The following RSRC1 variants were observed in gnomAD, a reference collection of about 807,000 sequenced individuals.
RSRC1 encodes the protein arginine and serine rich coiled-coil 1, also known as serine/Arginine-related protein 53.
In RSRC1, 39 loss-of-function variants were observed where a neutral mutation model predicts 49.1. The observed-to-expected ratio is 0.79, with a 90% CI of 0.61 to 1.04. The LOEUF (loss-of-function observed/expected upper bound fraction) is 1.04. Among genes scored for constraint, RSRC1 ranks in the 50% least tolerant of loss-of-function variants. RSRC1 has a pLI of 0.00. For missense variants in RSRC1, 388 were observed against 402.4 expected (o/e 0.96, Z 0.31); for synonymous variants, 143 against 130.8 (o/e 1.09, Z -0.63).
chr3:158,172,196 T>G (rs918436267), intron 3 of RSRC1, among the ~76,000 whole-genome samples: 19 of 152,146 alleles, frequency 1.2e-4, no homozygotes, highest in African/African-American at 4.6e-4. Context: ...AAGTTATACA[T>G]TTTTAGATTT....
intron 4 of RSRC1, among the ~76,000 whole-genome samples, chr3:158,220,701 A>G (rs938415942): frequency 6.6e-5 from 10 of 151,454 alleles, no homozygotes; most frequent in Admixed American, 2.0e-4. Context: ...TAAAAAGACT[A>G]TTGTTTGCCT....
At chr3:158,369,665 T>C (rs1455504978) in intron 6 of RSRC1, among the ~76,000 whole-genome samples, 1 of 152,114 alleles carries the variant, frequency 6.6e-6, no homozygotes, top group Non-Finnish European at 1.5e-5. Flanking sequence ...CAACAAATAA[T>C]CTTTTCTCTT....
chr3:158,118,210 A>G (rs992838821), intron 1 of RSRC1, among the ~76,000 whole-genome samples: 54 of 152,108 alleles, frequency 3.6e-4, no homozygotes, highest in Admixed American at 7.2e-4. Context: ...TTGGCTGCCC[A>G]AAGTGCTGGG....
At chr3:158,146,202 G>A (rs1461953849) in intron 3 of RSRC1, among the ~76,000 whole-genome samples, 1 of 152,098 alleles carries the variant, frequency 6.6e-6, no homozygotes, top group African/African-American at 2.4e-5. Context: ...TCCCTGTCTT[G>A]TGCCAGTTTT....
intron 7 of RSRC1, chr3:158,469,799 TAA>T (rs1481783722): frequency 6.6e-6 from 1 of 152,120 alleles, no homozygotes; most frequent in Non-Finnish European, 1.5e-5. Flanking sequence ...TATTCTGCCT[TAA>T]TTACAGGACT....
intron 6 of RSRC1, among the ~76,000 whole-genome samples, chr3:158,374,330 A>G (rs1732237642): frequency 6.6e-6 from 1 of 152,180 alleles, no homozygotes; most frequent in African/African-American, 2.4e-5. Context: ...TTTGAGCTAG[A>G]TAAATTAATA....
chr3:158,487,526 A>G (rs943653987), intron 7 of RSRC1, among the ~76,000 whole-genome samples: 1 of 152,168 alleles, frequency 6.6e-6, no homozygotes, highest in African/African-American at 2.4e-5. Flanking sequence ...TCCTGGCCAC[A>G]TGAAAGGTCA....
At chr3:158,133,696 T>C (rs1204577400) in intron 3 of RSRC1, among the ~76,000 whole-genome samples, 1 of 152,210 alleles carries the variant, frequency 6.6e-6, no homozygotes, top group Non-Finnish European at 1.5e-5. Context: ...ATTTCAGCTC[T>C]ACAAAATTTA....
At chr3:158,264,163 G>C (rs1275655524) in intron 4 of RSRC1, among the ~76,000 whole-genome samples, 1 of 152,016 alleles carries the variant, frequency 6.6e-6, no homozygotes, top group Non-Finnish European at 1.5e-5. Flanking sequence ...TTCTCATGTA[G>C]GCGTTTAGTA....
intron 1 of RSRC1, among the ~76,000 whole-genome samples, chr3:158,116,151 A>G (rs1578097301): frequency 6.6e-6 from 1 of 152,208 alleles, no homozygotes; most frequent in Non-Finnish European, 1.5e-5. Flanking sequence ...TATCATTCTC[A>G]TGGTGGCAAT....
chr3:158,275,211 GA>G (rs1725741402), intron 4 of RSRC1, among the ~76,000 whole-genome samples: 1 of 152,136 alleles, frequency 6.6e-6, no homozygotes, highest in African/African-American at 2.4e-5. Flanking sequence ...TGAATGCCAT[GA>G]AGCCATGGCA....
At chr3:158,145,654 T>C (rs1412632731) in intron 3 of RSRC1, among the ~76,000 whole-genome samples, 1 of 152,234 alleles carries the variant, frequency 6.6e-6, no homozygotes, top group South Asian at 2.1e-4. Context: ...AGTAGTTTTT[T>C]TCAATTCTGT....
chr3:158,518,146 A>ATTTT (rs1452015549), intron 7 of RSRC1, among the ~76,000 whole-genome samples: 21 of 69,708 alleles, frequency 3.0e-4, no homozygotes, highest in South Asian at 9.7e-4. Context: ...ATATATATAT[A>ATTTT]TATTTTTTTT....
rs1161504489 is a variant in RSRC1 at position 158,399,123 on chromosome 3, C to CT, written c.583+44264dup. 1.3e-4 allele frequency among the ~76,000 whole-genome samples: 4 copies of CT among 30,108 alleles called. 1 individual carries two copies. The highest frequency in any genetic ancestry group is 6.7e-5 in the Non-Finnish European group (1 of 14,906). 19.8% of individuals were successfully genotyped at this position (30,108 alleles called of 152,430 possible). The stretch of plus-strand genomic sequence containing the variant: ...GTCTTATAAGAAATACTATTATTTC[C>CT]TTTTTTTTTTTTTTTTTTTTTTTTT... On this transcript the variant is annotated intron_variant, in intron 6 of 9. Transcript: ENST00000611884.
At chr3:158,525,635 C>T (rs566095634) in intron 7 of RSRC1, among the ~76,000 whole-genome samples, 38 of 151,910 alleles carry the variant, frequency 2.5e-4, no homozygotes, top group African/African-American at 8.9e-4. Flanking sequence ...TTCTCAAAAG[C>T]CAGAACCTGG....
chr3:158,193,739 T>G (rs1720374466), intron 3 of RSRC1, among the ~76,000 whole-genome samples: 1 of 152,006 alleles, frequency 6.6e-6, no homozygotes, highest in South Asian at 2.1e-4. Flanking sequence ...GAAAATTTAA[T>G]CAGAAAAGAA....
At chr3:158,434,658 A>G (rs1472232542) in intron 6 of RSRC1, among the ~76,000 whole-genome samples, 1 of 151,950 alleles carries the variant, frequency 6.6e-6, no homozygotes, top group Non-Finnish European at 1.5e-5. Context: ...CCCAACTTGC[A>G]ATGTGTGTTA....
chr3:158,404,537 G>C (rs1291675066), intron 6 of RSRC1, among the ~76,000 whole-genome samples: 1 of 151,792 alleles, frequency 6.6e-6, no homozygotes, highest in African/African-American at 2.4e-5. Context: ...TCACTTCTCA[G>C]GGTTATAATA....
At chr3:158,356,913 A>G (rs745849508) in intron 6 of RSRC1, among the ~76,000 whole-genome samples, 23 of 152,264 alleles carry the variant, frequency 1.5e-4, no homozygotes, top group Middle Eastern at 3.4e-3. Flanking sequence ...CTCACAGTGT[A>G]TAACTTGCTT....
Sources: gnomAD v4.1 joint callset for allele counts (sites outside exome capture counted in the v4.1 genomes callset) on GRCh38, gnomAD v4.1.1 for gene constraint, MANE v1.5 for transcripts, NCBI Gene and HGNC (gene_info 2026-07-23, HGNC 2026-07-21) for gene names.